The following PIGB variants were observed in gnomAD, a reference collection of about 807,000 sequenced individuals.
PIGB encodes the protein GPI alpha-1,2-mannosyltransferase 3.
PIGB carries 58 observed loss-of-function variants against 68.4 expected under a neutral mutation model. The observed-to-expected ratio is 0.85, with a 90% CI of 0.69 to 1.06. The LOEUF is 1.06. Ranked by LOEUF, PIGB falls within the 50% of genes least tolerant of loss-of-function variation. The pLI is 0.00. For missense variants in PIGB, 634 were observed against 655.8 expected, an observed-to-expected ratio of 0.97 and a Z score of 0.36; for synonymous variants, 219 against 220.5, an observed-to-expected ratio of 0.99 and a Z score of 0.06.
At chr15:55,325,190 G>C (rs557034248) in intron 3 of PIGB, among the ~76,000 whole-genome samples, 3 of 152,050 alleles carry the variant, frequency 2.0e-5, no homozygotes, top group Non-Finnish European at 4.4e-5. Flanking sequence ...TACAGGCATG[G>C]TGGCGGGCAC....
chr15:55,348,881 A>G (rs188828916), intron 9 of PIGB, among the ~76,000 whole-genome samples: 8 of 152,360 alleles, frequency 5.3e-5, no homozygotes, highest in African/African-American at 1.9e-4. Context: ...AAGTGCTTCA[A>G]CTTATATTTG....
rs368380331 is a variant in PIGB at position 55,354,990 on chromosome 15, T to A, written c.1518+12T>A. ...GCATTTTGGAAGAGGTAAGTAAACA[T>A]GAAAAAGAGGAAAACTCAGTATTTT... On this transcript the variant is annotated intron_variant, in intron 11 of 11. Transcript: ENST00000164305. 6 of 1,595,394 alleles carry A rather than the reference T, an allele frequency of 3.8e-6. No individual in the cohort carries two copies. The highest frequency in any genetic ancestry group is 2.2e-5 in the East Asian group (1 of 44,664).
Position 55,355,283 on chromosome 15 carries a change from T to C in PIGB, c.1519-3T>C, listed in dbSNP as rs1436361065. The stretch of plus-strand genomic sequence containing the variant: ...ATTTACTTAAACATTTATTTGCTTC[T>C]AGGAAATAAGCGCTTTCCTAATTTC... On this transcript the variant is annotated splice_region_variant and splice_polypyrimidine_tract_variant and intron_variant, in intron 11 of 11. Coordinates refer to ENST00000164305, the MANE Select transcript of PIGB (RefSeq NM_004855.5). The C allele has an allele frequency of 1.2e-6, 2 of 1,600,456 alleles. No individual in the cohort carries two copies. The highest frequency in any genetic ancestry group is 1.7e-6 in the Non-Finnish European group (2 of 1,172,484).
At chr15:55,328,728 G>A (rs538497609) in intron 4 of PIGB, among the ~76,000 whole-genome samples, 10 of 152,216 alleles carry the variant, frequency 6.6e-5, no homozygotes, top group Non-Finnish European at 1.0e-4. Context: ...AGCACTTTGG[G>A]AGGCTGAGGT....
chr15:55,339,134 C>G, intron 6 of PIGB, 133 bp from the exon 7 acceptor site: 1 of 661,818 alleles, frequency 1.5e-6, no homozygotes, highest in Admixed American at 3.1e-5. Context: ...ATGTGTAAAT[C>G]TATATTCAGT....
Position 55,327,562 on chromosome 15 carries a change from TGTCTGC to T in PIGB, c.450_455del (p.Ser151_Ala152del). 6.2e-7 allele frequency: 1 copy of T among 1,611,854 alleles called. No individual in the cohort carries two copies. Among genetic ancestry groups the T allele is most frequent in the African/African-American group, 1.3e-5 (1 of 75,010 alleles). On this transcript the variant is annotated inframe_deletion, in exon 4 of 12. Transcript: ENST00000164305. ...ATTCCTAGACTTGCCCAAGCACTTC[TGTCTGC>T]TGTAGCAGATGTGAGACTTTACTCA...
At chr15:55,341,705 A>C (rs1048303042) in intron 8 of PIGB, 33 bp from the exon 9 acceptor site, 1 of 864,998 alleles carries the variant, frequency 1.2e-6, no homozygotes, top group African/African-American at 1.7e-5. Context: ...CATGATAATT[A>C]ATATTTTTTA....
chr15:55,353,831 C>CT (rs908997583), intron 10 of PIGB, among the ~76,000 whole-genome samples: 1 of 151,890 alleles, frequency 6.6e-6, no homozygotes, highest in Non-Finnish European at 1.5e-5. Context: ...TCTTGAACTC[C>CT]TGACCTCCAG....
intron 6 of PIGB, among the ~76,000 whole-genome samples, chr15:55,338,145 T>C (rs1021323394): frequency 2.6e-5 from 4 of 152,184 alleles, no homozygotes; most frequent in African/African-American, 7.2e-5. Flanking sequence ...TGATGATTCA[T>C]AGAGCTTTAC....
rs370075431 is a variant in PIGB, at chr15:55,355,463, G to A, written c.*31G>A. The A allele has an allele frequency of 1.1e-5, 18 of 1,568,298 alleles. No homozygotes were observed. Among genetic ancestry groups the A allele is most frequent in the Non-Finnish European group, 1.5e-5 (17 of 1,149,532 alleles). ...CCTAGATAAATTAACATTGCTGGGT[G>A]GAAATATTCAGATGCTGCTTAAATA... On this transcript the variant is annotated 3_prime_UTR_variant, in exon 12 of 12. Transcript: ENST00000164305.
rs1566960295 is a variant in PIGB at position 55,351,026 on chromosome 15, T to TA, written c.1337+117dup. 6 of 618,278 alleles carry TA rather than the reference T, an allele frequency of 9.7e-6. No individual in the cohort carries two copies. The South Asian group carries it at 1.0e-4, about 11-fold the overall frequency. 38.3% of individuals were successfully genotyped at this position (618,278 alleles called of 1,614,324 possible). A position where few individuals can be genotyped will look rare whatever the true frequency, so the allele number is the denominator to read the frequency against. Reference sequence around the variant, plus strand: ...TGGTCACTGATCAAATGATAAATTTTAAACTCCCACATATTTATTCACTGA... The same window carrying TA: ...TGGTCACTGATCAAATGATAAATTTTAAAACTCCCACATATTTATTCACTGA... On this transcript the variant is annotated intron_variant, in intron 10 of 11. Transcript: ENST00000164305.
chr15:55,352,575 T>C (rs992990202), intron 10 of PIGB, among the ~76,000 whole-genome samples: 2 of 152,024 alleles, frequency 1.3e-5, no homozygotes, highest in African/African-American at 4.8e-5. Flanking sequence ...CTGCCTGAGC[T>C]CAGGAGTTTG....
chr15:55,344,918 C>CA (rs1226068740), intron 9 of PIGB, among the ~76,000 whole-genome samples: 1 of 112,260 alleles, frequency 8.9e-6, no homozygotes, highest in Non-Finnish European at 1.7e-5. Flanking sequence ...TTTTTTGAGA[C>CA]AGAGTCTCTC....
intron 4 of PIGB, among the ~76,000 whole-genome samples, chr15:55,328,821 C>G (rs2055347910): frequency 6.6e-6 from 1 of 152,118 alleles, no homozygotes; most frequent in Non-Finnish European, 1.5e-5. Flanking sequence ...CAAAAATTAT[C>G]CAGGCGTGGT....
chr15:55,345,427 G>A (rs2055769703), intron 9 of PIGB, among the ~76,000 whole-genome samples: 1 of 152,068 alleles, frequency 6.6e-6, no homozygotes, highest in South Asian at 2.1e-4. Flanking sequence ...ATCGAAGATG[G>A]AAAGATGGCT....
chr15:55,340,939 A>C (rs923489006), intron 8 of PIGB, 116 bp downstream of exon 8: 2 of 652,686 alleles, frequency 3.1e-6, no homozygotes, highest in African/African-American at 3.7e-5. Context: ...TGTTAGTGGG[A>C]ATTATCTTAG....
At chr15:55,325,765 A>C (rs2055267902) in intron 3 of PIGB, among the ~76,000 whole-genome samples, 1 of 152,096 alleles carries the variant, frequency 6.6e-6, no homozygotes, top group African/African-American at 2.4e-5. Flanking sequence ...AAATACAAAA[A>C]ATTAGCCAGG....
At chr15:55,321,866 G>C (rs1374778611) in intron 3 of PIGB, among the ~76,000 whole-genome samples, 2 of 147,020 alleles carry the variant, frequency 1.4e-5, no homozygotes, top group East Asian at 4.1e-4. Flanking sequence ...TGGTCAGGCT[G>C]GTCTCGAACT....
At position 55,320,335 on chromosome 15, in the gene PIGB, G is replaced by A; in HGVS notation, c.224G>A (p.Cys75Tyr). The part of the protein sequence containing the change: ...LFTIALRILN[C>Y]FLVQTSFVPD... ...ACCATAGCTTTACGAATATTAAACT[G>A]CTTTTTAGTGCAGACAAGTTTTGTT... The change falls in exon 2 of 12, where the codon TGC becomes TAC. Residue 75 changes from cysteine (C) to tyrosine (Y), a missense_variant. By Grantham distance (194) the Cys-to-Tyr change is radical. Transcript: ENST00000164305. The A allele has an allele frequency of 1.9e-6, 3 of 1,612,788 alleles. No individual in the cohort carries two copies. Among genetic ancestry groups the A allele is most frequent in the Non-Finnish European group, 2.5e-6 (3 of 1,178,906 alleles).
Sources: allele counts gnomAD v4.1 joint callset (sites outside exome capture counted in the v4.1 genomes callset), GRCh38; gene constraint gnomAD v4.1.1; transcripts MANE v1.5; gene names NCBI Gene and HGNC (gene_info 2026-07-23, HGNC 2026-07-21).